Variants in DGKG observed in about 807,000 individuals in gnomAD.
DGKG encodes diacylglycerol kinase gamma, also known as DAG kinase gamma.
In DGKG, 78 loss-of-function variants were observed where a neutral mutation model predicts 105.3. That is an observed-to-expected ratio of 0.74 (90% confidence interval 0.62 to 0.89). The LOEUF (loss-of-function observed/expected upper bound fraction) is 0.89, where lower values mean the gene tolerates loss of function less well. Ranked by LOEUF, DGKG falls within the 40% of genes least tolerant of loss-of-function variation. DGKG has a pLI of 0.00. For missense variants in DGKG, 958 were observed against 1,020.1 expected (o/e 0.94, Z 0.83); for synonymous variants, 346 against 367.1 (o/e 0.94, Z 0.66).
intron 1 of DGKG, among the ~76,000 whole-genome samples, chr3:186,338,773 A>G (rs985495653): frequency 1.2e-4 from 18 of 152,172 alleles, no homozygotes; most frequent in African/African-American, 3.6e-4. Context: ...GCACAACTCA[A>G]TCTTTTCAAA....
At chr3:186,347,169 C>T (rs1173419005) in intron 1 of DGKG, among the ~76,000 whole-genome samples, 2 of 151,848 alleles carry the variant, frequency 1.3e-5, no homozygotes, top group East Asian at 3.9e-4. Flanking sequence ...AAATGATTGG[C>T]CAGGCGGGGC....
At chr3:186,195,346 T>G (rs1718130039) in intron 21 of DGKG, among the ~76,000 whole-genome samples, 2 of 152,210 alleles carry the variant, frequency 1.3e-5, no homozygotes, top group Admixed American at 1.3e-4. Context: ...TGTTACTCTT[T>G]AAAAAATTCT....
At chr3:186,191,263 T>A (rs961548032) in intron 21 of DGKG, among the ~76,000 whole-genome samples, 1 of 152,216 alleles carries the variant, frequency 6.6e-6, no homozygotes, top group African/African-American at 2.4e-5. Flanking sequence ...GTCACCAATA[T>A]CTGTGTGCAA....
intron 9 of DGKG, chr3:186,279,050 A>G (rs1027478573): frequency 2.4e-4 from 37 of 152,156 alleles, no homozygotes; most frequent in African/African-American, 8.9e-4. Flanking sequence ...CATATGCCCT[A>G]CTCTGATCAA....
At chr3:186,171,099 T>C (rs1221679830) in intron 22 of DGKG, among the ~76,000 whole-genome samples, 3 of 152,228 alleles carry the variant, frequency 2.0e-5, no homozygotes, top group Non-Finnish European at 4.4e-5. Flanking sequence ...CCAAGCACCA[T>C]GCTAGTTCCT....
intron 21 of DGKG, chr3:186,207,601 A>G (rs1410943533): frequency 7.1e-6 from 3 of 423,324 alleles, no homozygotes; most frequent in Non-Finnish European, 6.3e-6. Context: ...ACTAACCCCT[A>G]TGCCCCCCAT....
intron 1 of DGKG, among the ~76,000 whole-genome samples, chr3:186,347,972 T>C (rs1041870178): frequency 6.6e-6 from 1 of 152,232 alleles, no homozygotes; most frequent in Admixed American, 6.5e-5. Context: ...TATATTCATC[T>C]ACTGTCTTCT....
intron 19 of DGKG, among the ~76,000 whole-genome samples, chr3:186,245,588 G>C (rs7631562): frequency 0.038 from 5,763 of 152,296 alleles, 375 homozygotes; most frequent in African/African-American, 0.13. Flanking sequence ...CTGAAGGCAG[G>C]AGATGGGAAT....
Position 186,354,670 on chromosome 3 carries a change from C to A in DGKG, c.-249+7276G>T, listed in dbSNP as rs546286066. 3.9e-5 allele frequency among the ~76,000 whole-genome samples: 6 copies of A among 152,234 alleles called. No homozygotes were observed. In the South Asian group the frequency reaches 8.3e-4, roughly 21 times the overall value. Reference sequence around the variant, plus strand: ...TTCTTTTCTCTTACACATCATGATTCCAGGAAAGAATCTTTAACTTTCACT... The same window carrying A: ...TTCTTTTCTCTTACACATCATGATTACAGGAAAGAATCTTTAACTTTCACT... On this transcript the variant is annotated intron_variant, in intron 1 of 24. Coordinates refer to ENST00000265022, the MANE Select transcript of DGKG (RefSeq NM_001346.3).
chr3:186,297,066 T>TCACACACACACACA (rs1352673652), intron 5 of DGKG, among the ~76,000 whole-genome samples: 2,377 of 123,452 alleles, frequency 0.019, 27 homozygotes, highest in African/African-American at 0.028. Flanking sequence ...TGTCTGTCTC[T>TCACACACACACACA]CTCACACACA....
chr3:186,290,958 A>C (rs1284233869), intron 5 of DGKG, among the ~76,000 whole-genome samples: 1 of 152,256 alleles, frequency 6.6e-6, no homozygotes, highest in Non-Finnish European at 1.5e-5. Context: ...CAACCAGGGT[A>C]GAAACCCCCC....
In DGKG at chr3:186,280,747, A is replaced by G; in HGVS notation, c.595-3T>C. On this transcript the variant is annotated splice_polypyrimidine_tract_variant and splice_region_variant and intron_variant, in intron 7 of 24. Coordinates refer to ENST00000265022, the MANE Select transcript of DGKG (RefSeq NM_001346.3). ...TGGTTGACAATGCAATCCATCTCCT[A>G]GAAAATAGCAAAGGGAGAAAATATC... 2 of 1,612,858 alleles carry G rather than the reference A, an allele frequency of 1.2e-6. No homozygotes were observed. Among genetic ancestry groups the G allele is most frequent in the Non-Finnish European group, 1.7e-6 (2 of 1,178,830 alleles).
rs560062438 is a variant in DGKG at position 186,149,308 on chromosome 3, C to T, written c.*782G>A. The T allele has an allele frequency of 1.6e-5, 16 of 985,330 alleles. No individual in the cohort carries two copies. The African/African-American group carries it at 2.1e-4, about 13-fold the overall frequency. 61.0% of individuals were successfully genotyped at this position (985,330 alleles called of 1,614,324 possible). On this transcript the variant is annotated 3_prime_UTR_variant, in exon 25 of 25. Coordinates refer to ENST00000265022, the MANE Select transcript of DGKG (RefSeq NM_001346.3). ...AAAAATAAATCCCAGTTTCTCCGCT[C>T]TCCCTCCCAGGTGTTCACAGAACTA...
At position 186,243,986 on chromosome 3, in the gene DGKG, TC is replaced by T. The variant is rs113734687; in HGVS notation, c.1762-1419del. Among the ~76,000 whole-genome samples, 61 of 142,406 alleles carry T rather than the reference TC, an allele frequency of 4.3e-4. No individual in the cohort carries two copies. The Middle Eastern group carries it at 0.015, about 34-fold the overall frequency. 93.4% of individuals were successfully genotyped at this position (142,406 alleles called of 152,430 possible). A position where few individuals can be genotyped will look rare whatever the true frequency, so the allele number is the denominator to read the frequency against. Reference sequence around the variant, plus strand: ...ATCTCGTCTCACTGCAACCTCTGCCTCCCAGGTTCAGGCAATTCTTCTGGCT... The same window carrying T: ...ATCTCGTCTCACTGCAACCTCTGCCTCCAGGTTCAGGCAATTCTTCTGGCT... On this transcript the variant is annotated intron_variant, in intron 19 of 24. Coordinates refer to ENST00000265022, the MANE Select transcript of DGKG (RefSeq NM_001346.3).
chr3:186,194,535 C>A (rs1253701703), intron 21 of DGKG, among the ~76,000 whole-genome samples: 1 of 152,174 alleles, frequency 6.6e-6, no homozygotes, highest in East Asian at 1.9e-4. Flanking sequence ...CAGTTTTTAG[C>A]AACTAGGAAA....
intron 21 of DGKG, among the ~76,000 whole-genome samples, chr3:186,198,472 G>A (rs1488498234): frequency 6.6e-6 from 1 of 152,228 alleles, no homozygotes; most frequent in Non-Finnish European, 1.5e-5. Context: ...CTAGACTCTA[G>A]GGATGGAGCA....
Position 186,147,452 on chromosome 3 carries a change from A to G in DGKG, c.*2638T>C. 2 of 985,356 alleles carry G rather than the reference A, an allele frequency of 2.0e-6. No homozygotes were observed. Among genetic ancestry groups the G allele is most frequent in the Non-Finnish European group, 2.4e-6 (2 of 829,798 alleles). The allele number at this position is 985,356 out of a possible 1,614,324, so 61.0% of individuals were successfully genotyped here. On this transcript the variant is annotated 3_prime_UTR_variant, in exon 25 of 25. Transcript: ENST00000265022. Reference sequence around the variant, plus strand: ...GGTCACTATGATGAGGGACTCCACCACAAGAAACCACAGTCATAGTGTTTA... The same window carrying G: ...GGTCACTATGATGAGGGACTCCACCGCAAGAAACCACAGTCATAGTGTTTA...
chr3:186,238,613 G>A (rs1298347619), intron 20 of DGKG, among the ~76,000 whole-genome samples: 1 of 152,046 alleles, frequency 6.6e-6, no homozygotes, highest in African/African-American at 2.4e-5. Flanking sequence ...TGTTCTTTAT[G>A]CCAACAGTGA....
At chr3:186,161,112 T>C in intron 24 of DGKG, 3 of 988,672 alleles carry the variant, frequency 3.0e-6, no homozygotes, top group Non-Finnish European at 3.6e-6. Flanking sequence ...GAGGCATGTC[T>C]GTGCTCTGCG....
Sources: allele counts gnomAD v4.1 joint callset (sites outside exome capture counted in the v4.1 genomes callset), GRCh38; gene constraint gnomAD v4.1.1; transcripts MANE v1.5; gene names NCBI Gene and HGNC (gene_info 2026-07-23, HGNC 2026-07-21).